FAR2: variants seen among roughly 807,000 people sequenced by gnomAD.
FAR2 encodes the protein epididymis secretory protein Li 81.
In FAR2, 19 loss-of-function variants were observed where a neutral mutation model predicts 56.0. The observed-to-expected ratio is 0.34, with a 90% CI of 0.24 to 0.50. The LOEUF (loss-of-function observed/expected upper bound fraction) is 0.50. FAR2 is among the 20% of genes least tolerant of loss of function. The pLI, the probability that FAR2 is intolerant of heterozygous loss-of-function variation, is 0.98. For synonymous variants in FAR2, 219 were observed against 218.8 expected (o/e 1.00, Z -0.01); for missense variants, 508 against 642.2 (o/e 0.79, Z 2.26).
At chr12:29,176,913 A>G (rs943520898) in intron 1 of FAR2, among the ~76,000 whole-genome samples, 54 of 152,234 alleles carry the variant, frequency 3.5e-4, no homozygotes, top group Non-Finnish European at 2.2e-4. Context: ...GTTGTGGAGA[A>G]GGCAGAAATT....
At chr12:29,187,413 G>GTA (rs553676814) in intron 1 of FAR2, among the ~76,000 whole-genome samples, 28 of 151,494 alleles carry the variant, frequency 1.8e-4, no homozygotes, top group African/African-American at 4.6e-4. Context: ...AGTAAGAAGC[G>GTA]TATATATATA....
intron 1 of FAR2, among the ~76,000 whole-genome samples, chr12:29,175,977 A>G (rs1430520691): frequency 6.6e-6 from 1 of 152,230 alleles, no homozygotes; most frequent in Non-Finnish European, 1.5e-5. Context: ...GCAAAATACC[A>G]AAATTTAATA....
chr12:29,194,521 C>CACACACACA (rs1950128924), intron 1 of FAR2, among the ~76,000 whole-genome samples: 1 of 140,792 alleles, frequency 7.1e-6, no homozygotes, highest in South Asian at 2.4e-4. Context: ...GCTAGTGATG[C>CACACACACA]CACACACACA....
At chr12:29,209,006 C>T (rs757184759) in intron 1 of FAR2, among the ~76,000 whole-genome samples, 17 of 150,792 alleles carry the variant, frequency 1.1e-4, no homozygotes, top group South Asian at 2.1e-4. Flanking sequence ...AAAGGGAGAA[C>T]GAGGCAAGTC....
intron 1 of FAR2, among the ~76,000 whole-genome samples, chr12:29,258,047 G>A (rs921804121): frequency 2.0e-5 from 3 of 151,934 alleles, no homozygotes; most frequent in Non-Finnish European, 1.5e-5. Context: ...CTTTTCCACC[G>A]ATAAAAATCA....
At position 29,321,897 on chromosome 12, in the gene FAR2, G is replaced by A. The variant is rs1445701030; in HGVS notation, c.1230G>A (p.Met410Ile). ...GCACGTACAATACAGAAATGCTGATGTCTGAGCTGAGTCCTGAAGACCAGA... is the reference window on the plus strand; with the variant it reads ...GCACGTACAATACAGAAATGCTGATATCTGAGCTGAGTCCTGAAGACCAGA... ...EWSTYNTEML[M>I]SELSPEDQRV... The change falls in exon 10 of 12, where the codon ATG becomes ATA. Residue 410 changes from methionine (M) to isoleucine (I), a missense_variant. Transcript: ENST00000536681. The A allele has an allele frequency of 6.8e-6, 11 of 1,613,570 alleles. No individual in the cohort carries two copies. The highest frequency in any genetic ancestry group is 9.3e-6 in the Non-Finnish European group (11 of 1,179,666).
chr12:29,221,259 C>G (rs968035175), intron 1 of FAR2, among the ~76,000 whole-genome samples: 5 of 152,084 alleles, frequency 3.3e-5, no homozygotes, highest in African/African-American at 1.2e-4. Flanking sequence ...GGGAGAACTG[C>G]CTTTCCCTGA....
intron 4 of FAR2, among the ~76,000 whole-genome samples, chr12:29,305,007 T>C (rs1370982005): frequency 6.6e-6 from 1 of 152,222 alleles, no homozygotes; most frequent in Non-Finnish European, 1.5e-5. Context: ...GCCCAACCAG[T>C]GGATGTGCAT....
intron 1 of FAR2, among the ~76,000 whole-genome samples, chr12:29,184,762 A>T (rs1950024326): frequency 6.6e-6 from 1 of 152,154 alleles, no homozygotes; most frequent in Non-Finnish European, 1.5e-5. Flanking sequence ...GTCCCTAAAG[A>T]GGGAGTTTTT....
At chr12:29,188,150 C>A (rs1950061860) in intron 1 of FAR2, among the ~76,000 whole-genome samples, 1 of 152,146 alleles carries the variant, frequency 6.6e-6, no homozygotes, top group South Asian at 2.1e-4. Context: ...CACTATGAAA[C>A]TATATTTTTC....
chr12:29,327,523 C>G (rs1391586685), intron 10 of FAR2, among the ~76,000 whole-genome samples: 1 of 152,160 alleles, frequency 6.6e-6, no homozygotes, highest in Non-Finnish European at 1.5e-5. Flanking sequence ...GCTACAGTAA[C>G]CAAAACAGCA....
At position 29,216,869 on chromosome 12, in the gene FAR2, C is replaced by T. The variant is rs1474994267; in HGVS notation, c.-38-53543C>T. On this transcript the variant is annotated intron_variant, in intron 1 of 11. Transcript: ENST00000536681. Reference sequence around the variant, plus strand: ...AAACTAGATTTTATCAAAAGAGCTACAAAGCACTTTGGTGTACAATGGTAG... The same window carrying T: ...AAACTAGATTTTATCAAAAGAGCTATAAAGCACTTTGGTGTACAATGGTAG... Among the ~76,000 whole-genome samples the T allele has an allele frequency of 2.0e-5, 3 of 152,122 alleles. No homozygotes were observed. In the East Asian group the frequency reaches 5.8e-4, roughly 29 times the overall value.
At chr12:29,171,138 G>A (rs1391649939) in intron 1 of FAR2, among the ~76,000 whole-genome samples, 1 of 152,240 alleles carries the variant, frequency 6.6e-6, no homozygotes, top group Non-Finnish European at 1.5e-5. Flanking sequence ...AGCTGTCCAG[G>A]ACAGGAGATT....
rs1051520751 is a variant in FAR2 at position 29,239,615 on chromosome 12, G to A, written c.-38-30797G>A. ...ATGATGTGAGGTGATGACCAGTAGAGGAAAATGCTGGAAAGCCACAAAACA... is the reference window on the plus strand; with the variant it reads ...ATGATGTGAGGTGATGACCAGTAGAAGAAAATGCTGGAAAGCCACAAAACA... On this transcript the variant is annotated intron_variant, in intron 1 of 11. Coordinates refer to ENST00000536681, the MANE Select transcript of FAR2 (RefSeq NM_001271783.2). Among the ~76,000 whole-genome samples, 3 of 152,130 alleles carry A rather than the reference G, an allele frequency of 2.0e-5. No homozygotes were observed. The East Asian group carries it at 5.8e-4, about 29-fold the overall frequency.
chr12:29,253,488 G>T (rs946275622), intron 1 of FAR2, among the ~76,000 whole-genome samples: 1 of 151,134 alleles, frequency 6.6e-6, no homozygotes, highest in Non-Finnish European at 1.5e-5. Flanking sequence ...TATATGTATT[G>T]GTCATTTCTC....
chr12:29,272,683 T>C (rs898605874), intron 2 of FAR2, among the ~76,000 whole-genome samples: 1 of 152,196 alleles, frequency 6.6e-6, no homozygotes, highest in Non-Finnish European at 1.5e-5. Context: ...GATGGAGAGA[T>C]GTTGTGATCA....
At chr12:29,326,454 G>C (rs1949648593) in intron 10 of FAR2, among the ~76,000 whole-genome samples, 1 of 152,076 alleles carries the variant, frequency 6.6e-6, no homozygotes, top group Admixed American at 6.5e-5. Flanking sequence ...AACAAAAAAA[G>C]AGAATTTTAG....
At chr12:29,180,721 T>TTATCTATC (rs59448421) in intron 1 of FAR2, among the ~76,000 whole-genome samples, 4,385 of 146,542 alleles carry the variant, frequency 0.03, 77 homozygotes, top group Non-Finnish European at 0.032. Context: ...TATTCATTGT[T>TTATCTATC]TATCTATCTA....
At chr12:29,196,370 A>G (rs555720019) in intron 1 of FAR2, among the ~76,000 whole-genome samples, 1 of 152,106 alleles carries the variant, frequency 6.6e-6, no homozygotes, top group Admixed American at 6.5e-5. Flanking sequence ...GACTTTTTAA[A>G]TAGTAGCCAT....
Sources: allele counts gnomAD v4.1 joint callset (sites outside exome capture counted in the v4.1 genomes callset), GRCh38; gene constraint gnomAD v4.1.1; transcripts MANE v1.5; gene names NCBI Gene and HGNC (gene_info 2026-07-23, HGNC 2026-07-21).